The following TSC22D1 variants were observed in gnomAD, a reference collection of about 807,000 sequenced individuals.
TSC22D1 encodes TSC22 domain family member 1, also known as TSC22 domain family protein 1.
A neutral mutation model predicts 74.2 loss-of-function variants in TSC22D1; 9 were observed. The ratio of observed to expected loss-of-function variants is 0.12; its 90% CI spans 0.07 to 0.21. TSC22D1 has a LOEUF of 0.21. TSC22D1 is among the 10% of genes least tolerant of loss of function. TSC22D1 has a pLI of 1.00. For synonymous variants in TSC22D1, 586 were observed against 492.5 expected, an observed-to-expected ratio of 1.19 and a Z score of -2.51; for missense variants, 1,427 against 1,304.7, an observed-to-expected ratio of 1.09 and a Z score of -1.44.
intron 1 of TSC22D1, among the ~76,000 whole-genome samples, chr13:44,517,333 AACACACAC>A (rs3046042): frequency 1.2e-4 from 18 of 148,690 alleles, no homozygotes; most frequent in Admixed American, 2.7e-4. Flanking sequence ...ACAAAAACAA[AACACACAC>A]ACACACACAC....
chr13:44,437,139 C>T, intron 1 of TSC22D1: 1 of 985,342 alleles, frequency 1.0e-6, no homozygotes, highest in South Asian at 4.7e-5. Flanking sequence ...GTGAAGGGTC[C>T]CTGAAAAATA....
At chr13:44,477,923 G>A (rs1033322447) in intron 1 of TSC22D1, among the ~76,000 whole-genome samples, 5 of 152,098 alleles carry the variant, frequency 3.3e-5, no homozygotes, top group South Asian at 2.1e-4. Flanking sequence ...TTACAGGCGT[G>A]AGCCACTGCG....
At position 44,434,305 on chromosome 13, in the gene TSC22D1, G is replaced by C. The variant is rs182227553; in HGVS notation, c.*321C>G. On this transcript the variant is annotated 3_prime_UTR_variant, in exon 3 of 3. Coordinates refer to ENST00000458659, the MANE Select transcript of TSC22D1 (RefSeq NM_183422.4). ...AGAGAACCCTTGGAAGTGAGGGGTA[G>C]GGAGCCGGAAGGGATGGAAAGGCAC... The C allele has an allele frequency of 1.4e-4, 186 of 1,373,954 alleles. No homozygotes were observed. In the Middle Eastern group the frequency reaches 1.6e-3, roughly 12 times the overall value. 85.1% of individuals were successfully genotyped at this position (1,373,954 alleles called of 1,614,324 possible).
Position 44,574,726 on chromosome 13 carries a change from G to A in TSC22D1, c.1349C>T (p.Thr450Ile), listed in dbSNP as rs1884076586. Reference protein sequence around the residue: ...EGVLINKVVETVKQNPIEVTS... With the variant: ...EGVLINKVVEIVKQNPIEVTS... ...CACTTCTATCGGATTTTGCTTTACA[G>A]TCTCCACCACTTTATTTATCAGCAC... The change falls in exon 1 of 3, where the codon ACT (threonine) becomes ATT (isoleucine). Residue 450 changes from threonine (T) to isoleucine (I), a missense_variant. Coordinates refer to ENST00000458659, the MANE Select transcript of TSC22D1 (RefSeq NM_183422.4). 1.2e-6 allele frequency: 2 copies of A among 1,613,902 alleles called. No homozygotes were observed. The highest frequency in any genetic ancestry group is 1.7e-6 in the Non-Finnish European group (2 of 1,179,976).
At chr13:44,437,021 G>A (rs1378744654) in intron 1 of TSC22D1, 1 of 977,410 alleles carries the variant, frequency 1.0e-6, no homozygotes, top group African/African-American at 1.8e-5. Context: ...GATCCCGCTC[G>A]TGGGGTGGGC....
At chr13:44,544,441 C>T (rs1459568516) in intron 1 of TSC22D1, among the ~76,000 whole-genome samples, 1 of 147,722 alleles carries the variant, frequency 6.8e-6, no homozygotes, top group Non-Finnish European at 1.5e-5. Context: ...ATTTCTAAAC[C>T]ATAAATCTTG....
chr13:44,446,787 GGAGGAGGAGGAGGAAAAGGAGGAGGAA>G (rs1566115843), intron 1 of TSC22D1, among the ~76,000 whole-genome samples: 25 of 109,850 alleles, frequency 2.3e-4, no homozygotes, highest in African/African-American at 7.9e-4. Context: ...AGGAAGAAGA[GGAGGAGGAGGAGGAAAAGGAGGAGGAA>G]GAGGAGGAGG....
Position 44,575,887 on chromosome 13 carries a change from A to G in TSC22D1, c.188T>C (p.Leu63Pro). 1 of 1,613,990 alleles carries G rather than the reference A, an allele frequency of 6.2e-7. No homozygotes were observed. ...TSSEDFPPPSLLQPPPPAASS... is the reference protein window; with the variant it reads ...TSSEDFPPPSPLQPPPPAASS... ...TGCTGCAGGGGGCGGCGGCTGAAGC[A>G]GCGACGGAGGCGGAAAATCCTCGGA... Residue 63 changes from leucine to proline, a missense_variant, in exon 1 of 3, where the codon CTG becomes CCG. Around this residue, in one of 3 missense-constraint regions of TSC22D1, gnomAD observed 1,343 missense variants for 1,191.5 expected, o/e 1.13. Transcript: ENST00000458659.
At chr13:44,521,740 T>A (rs534224650) in intron 1 of TSC22D1, among the ~76,000 whole-genome samples, 1 of 151,048 alleles carries the variant, frequency 6.6e-6, no homozygotes, top group Admixed American at 6.6e-5. Context: ...AGCTATAAAG[T>A]TCACACACTT....
At chr13:44,530,327 C>T (rs887269756) in intron 1 of TSC22D1, among the ~76,000 whole-genome samples, 1 of 152,108 alleles carries the variant, frequency 6.6e-6, no homozygotes, top group Admixed American at 6.6e-5. Flanking sequence ...GGTGCTGGAA[C>T]AACTGGACAT....
rs1399217330 is a variant in TSC22D1, at chr13:44,509,848, GA to G, written c.2912+63314del. On this transcript the variant is annotated intron_variant, in intron 1 of 2. Coordinates refer to ENST00000458659, the MANE Select transcript of TSC22D1 (RefSeq NM_183422.4). The stretch of plus-strand genomic sequence containing the variant: ...TGTAATGGTTCACTAACAGAAAAAA[GA>G]GACAGTTGAAAGAAATATATTTTTA... Among the ~76,000 whole-genome samples the G allele has an allele frequency of 1.0e-4, 15 of 145,022 alleles. No individual in the cohort carries two copies. In the Admixed American group the frequency reaches 1.1e-3, roughly 10 times the overall value.
intron 1 of TSC22D1, among the ~76,000 whole-genome samples, chr13:44,515,921 A>G (rs1879958209): frequency 1.3e-5 from 2 of 152,184 alleles, no homozygotes; most frequent in South Asian, 4.1e-4. Context: ...AAGAAAAACC[A>G]CCTCACTTCA....
At position 44,573,099 on chromosome 13, in the gene TSC22D1, A is replaced by G. The variant is rs1179605543; in HGVS notation, c.2912+64T>C. ...TTTTAGAGTCATTTTGTGCATACATATAGCTACTAAATAGATTAACTTCAA... is the reference window on the plus strand; with the variant it reads ...TTTTAGAGTCATTTTGTGCATACATGTAGCTACTAAATAGATTAACTTCAA... On this transcript the variant is annotated intron_variant, in intron 1 of 2. Transcript: ENST00000458659. 6 of 1,551,968 alleles carry G rather than the reference A, an allele frequency of 3.9e-6. No homozygotes were observed. In the African/African-American group the frequency reaches 8.2e-5, roughly 21 times the overall value.
intron 1 of TSC22D1, among the ~76,000 whole-genome samples, chr13:44,556,726 C>A (rs1052187840): frequency 6.6e-6 from 1 of 151,904 alleles, no homozygotes; most frequent in Non-Finnish European, 1.5e-5. Flanking sequence ...ACTAGTTGGA[C>A]GTGGTGACGC....
At chr13:44,573,060 C>A (rs9533915) in intron 1 of TSC22D1, 103 bp downstream of exon 1, 204,061 of 1,449,694 alleles carry the variant, frequency 0.14, 16,022 homozygotes, top group African/African-American at 0.33. Flanking sequence ...ACATACAAAA[C>A]ACAATATACA....
At chr13:44,538,184 G>GA in intron 1 of TSC22D1, 3 of 985,080 alleles carry the variant, frequency 3.0e-6, no homozygotes, top group Non-Finnish European at 3.6e-6. Flanking sequence ...CCTTCAGTAT[G>GA]AAAAAAATAC....
intron 1 of TSC22D1, among the ~76,000 whole-genome samples, chr13:44,455,970 A>T (rs994632607): frequency 6.6e-6 from 1 of 152,222 alleles, no homozygotes; most frequent in South Asian, 2.1e-4. Context: ...ATTGATATGC[A>T]GTAAAGAACT....
At chr13:44,503,093 G>A (rs943618364) in intron 1 of TSC22D1, among the ~76,000 whole-genome samples, 4 of 152,092 alleles carry the variant, frequency 2.6e-5, no homozygotes, top group African/African-American at 9.7e-5. Context: ...CATGATATAA[G>A]CCTCTCGAGC....
chr13:44,452,968 G>A (rs1032151778), intron 1 of TSC22D1: 29 of 152,332 alleles, frequency 1.9e-4, no homozygotes, highest in African/African-American at 6.7e-4. Flanking sequence ...AATGCTAACA[G>A]GTTGGTTTTT....
Sources: gnomAD v4.1 joint callset for allele counts (sites outside exome capture counted in the v4.1 genomes callset) on GRCh38, gnomAD v4.1.1 for gene constraint, gnomAD v4.1.1 regional missense constraint, MANE v1.5 for transcripts, NCBI Gene and HGNC (gene_info 2026-07-23, HGNC 2026-07-21) for gene names.